PCDHA12: variants seen among roughly 807,000 people sequenced by gnomAD.
The protein encoded by PCDHA12 is protocadherin alpha 12, also known as protocadherin alpha-12.
In PCDHA12, 44 loss-of-function variants were observed where a neutral mutation model predicts 60.0. The observed-to-expected ratio is 0.73, with a 90% CI of 0.58 to 0.94. The LOEUF is 0.94. Ranked by LOEUF, PCDHA12 falls within the 40% of genes least tolerant of loss-of-function variation. The pLI, the probability that PCDHA12 is intolerant of heterozygous loss-of-function variation, is 0.00. For missense variants in PCDHA12, 1,276 were observed against 1,239.7 expected, an observed-to-expected ratio of 1.03 and a Z score of -0.44; for synonymous variants, 569 against 553.0, an observed-to-expected ratio of 1.03 and a Z score of -0.40.
intron 1 of PCDHA12, among the ~76,000 whole-genome samples, chr5:140,923,613 G>GT (rs2081443569): frequency 6.6e-6 from 1 of 152,146 alleles, no homozygotes; most frequent in South Asian, 2.1e-4. Context: ...TGTTTATCTG[G>GT]TCATCTTATC....
At chr5:140,946,679 CG>C (rs1355438071) in intron 1 of PCDHA12, among the ~76,000 whole-genome samples, 1 of 144,750 alleles carries the variant, frequency 6.9e-6, no homozygotes, top group Non-Finnish European at 1.5e-5. Flanking sequence ...TCCTGTCATT[CG>C]TGACAATATG....
At chr5:140,936,185 G>A (rs563044758) in intron 1 of PCDHA12, among the ~76,000 whole-genome samples, 10 of 152,060 alleles carry the variant, frequency 6.6e-5, no homozygotes, top group Non-Finnish European at 1.0e-4. Context: ...AAACCACCAC[G>A]CCCAGCCAAA....
chr5:140,976,507 C>T (rs868949957), intron 1 of PCDHA12, among the ~76,000 whole-genome samples: 2 of 151,968 alleles, frequency 1.3e-5, no homozygotes, highest in African/African-American at 4.8e-5. Context: ...GCCAAGATCG[C>T]GCCACTGCAC....
chr5:140,905,231 A>G (rs2071692761), intron 1 of PCDHA12, among the ~76,000 whole-genome samples: 1 of 152,180 alleles, frequency 6.6e-6, no homozygotes, highest in African/African-American at 2.4e-5. Flanking sequence ...AGAGATGAGG[A>G]TCCAGTTTCA....
intron 1 of PCDHA12, among the ~76,000 whole-genome samples, chr5:140,971,037 TA>T (rs2096453416): frequency 1.3e-5 from 2 of 152,200 alleles, no homozygotes; most frequent in Admixed American, 6.5e-5. Context: ...TGAAAGCACG[TA>T]AAAGGGTTTA....
At chr5:141,003,143 ACT>A (rs1162243146) in intron 3 of PCDHA12, among the ~76,000 whole-genome samples, 1 of 152,180 alleles carries the variant, frequency 6.6e-6, no homozygotes, top group East Asian at 1.9e-4. Context: ...CTTGGCAAAG[ACT>A]CTGACCTGAT....
At chr5:140,925,082 A>G (rs1362065754) in intron 1 of PCDHA12, among the ~76,000 whole-genome samples, 1 of 147,284 alleles carries the variant, frequency 6.8e-6, no homozygotes, top group African/African-American at 2.6e-5. Context: ...GCTCATCTGG[A>G]AAGGAAGGAA....
intron 3 of PCDHA12, among the ~76,000 whole-genome samples, chr5:140,987,890 C>T (rs1554249653): frequency 1.3e-5 from 2 of 152,020 alleles, no homozygotes; most frequent in African/African-American, 4.8e-5. Flanking sequence ...TTTATGTGCC[C>T]TAGTTTTATA....
intron 1 of PCDHA12, chr5:140,928,604 C>T: frequency 6.2e-7 from 1 of 1,614,198 alleles, no homozygotes; most frequent in Non-Finnish European, 8.5e-7. Context: ...GAAATTGTGC[C>T]CCGCTCTGCC....
At chr5:140,898,748 G>C (rs1397892217) in intron 1 of PCDHA12, among the ~76,000 whole-genome samples, 44 of 152,222 alleles carry the variant, frequency 2.9e-4, no homozygotes, top group Non-Finnish European at 5.0e-4. Context: ...TAGCTTGATG[G>C]GGATGGCATT....
intron 1 of PCDHA12, among the ~76,000 whole-genome samples, chr5:140,901,404 G>C (rs1047085666): frequency 6.6e-6 from 1 of 152,166 alleles, no homozygotes; most frequent in East Asian, 1.9e-4. Flanking sequence ...GTGAGAGATA[G>C]GGGTCTAGTT....
Position 140,929,287 on chromosome 5 carries a change from C to T in PCDHA12, c.2368-49662C>T, listed in dbSNP as rs782325052. On this transcript the variant is annotated intron_variant, in intron 1 of 3. Transcript: ENST00000398631. The stretch of plus-strand genomic sequence containing the variant: ...TTTGCCAATATCCTGTATTCAGATT[C>T]GGAATAGGAAAGGGGATCACGCTAA... 13 of 1,598,668 alleles carry T rather than the reference C, an allele frequency of 8.1e-6. No homozygotes were observed. In the East Asian group the frequency reaches 2.5e-4, roughly 30 times the overall value.
intron 3 of PCDHA12, among the ~76,000 whole-genome samples, chr5:141,009,108 A>G (rs529319870): frequency 5.3e-5 from 8 of 152,346 alleles, no homozygotes; most frequent in African/African-American, 1.9e-4. Context: ...TGTTACTATG[A>G]AACTAGATTC....
chr5:140,987,730 C>CAA (rs2097266231), intron 3 of PCDHA12, among the ~76,000 whole-genome samples: 1 of 152,066 alleles, frequency 6.6e-6, no homozygotes, highest in African/African-American at 2.4e-5. Flanking sequence ...CCTACAGCTT[C>CAA]AAAATTTAGA....
chr5:140,998,066 C>T (rs1234368433), intron 3 of PCDHA12, among the ~76,000 whole-genome samples: 2 of 152,160 alleles, frequency 1.3e-5, no homozygotes, highest in East Asian at 1.9e-4. Flanking sequence ...CATCAACAGA[C>T]TTAGCCTCTG....
At chr5:140,893,119 C>T (rs2063831505) in intron 1 of PCDHA12, among the ~76,000 whole-genome samples, 1 of 152,174 alleles carries the variant, frequency 6.6e-6, no homozygotes, top group Admixed American at 6.5e-5. Context: ...TGTGCATATA[C>T]ACCACATTTT....
Position 140,885,566 on chromosome 5 carries a change from G to A in PCDHA12, c.2367+7727G>A, listed in dbSNP as rs190303990. On this transcript the variant is annotated intron_variant, in intron 1 of 3. Transcript: ENST00000398631. The stretch of plus-strand genomic sequence containing the variant: ...TGGTGTTATTTCTACGAAATTGATT[G>A]TCAGATGTGGAATTGATGCATCAAA... Among the ~76,000 whole-genome samples, 467 of 152,160 alleles carry A rather than the reference G, an allele frequency of 3.1e-3. 3 individuals carry two copies. The highest frequency in any genetic ancestry group is 0.014 in the Middle Eastern group (4 of 294).
At chr5:140,966,593 A>G in intron 1 of PCDHA12, 1 of 595,648 alleles carries the variant, frequency 1.7e-6, no homozygotes, top group Non-Finnish European at 2.6e-6. Context: ...CGGTGGGGCC[A>G]GGAGCCCTTG....
At chr5:140,959,859 T>A (rs2095514385) in intron 1 of PCDHA12, among the ~76,000 whole-genome samples, 1 of 152,192 alleles carries the variant, frequency 6.6e-6, no homozygotes, top group South Asian at 2.1e-4. Context: ...AGGAATTATG[T>A]AGCAAAATCT....
Sources: gnomAD v4.1 joint callset for allele counts (sites outside exome capture counted in the v4.1 genomes callset) on GRCh38, gnomAD v4.1.1 for gene constraint, MANE v1.5 for transcripts, NCBI Gene and HGNC (gene_info 2026-07-23, HGNC 2026-07-21) for gene names.